The following MYO15A variants were observed in gnomAD, a reference collection of about 807,000 sequenced individuals.
The protein encoded by MYO15A is myosin XVA.
MYO15A carries 308 observed loss-of-function variants against 394.6 expected under a neutral mutation model. The ratio of observed to expected loss-of-function variants is 0.78; its 90% CI spans 0.71 to 0.86. The LOEUF (loss-of-function observed/expected upper bound fraction) is 0.86, where lower values mean the gene tolerates loss of function less well. Among genes scored for constraint, MYO15A ranks in the 40% least tolerant of loss-of-function variants. The probability of loss-of-function intolerance (pLI) is 0.00; values close to 1 mark genes in which losing one functional copy is unlikely to be tolerated. For missense variants in MYO15A, 4,606 were observed against 4,799.1 expected (o/e 0.96, Z 1.19); for synonymous variants, 1,957 against 2,003.8 (o/e 0.98, Z 0.62).
chr17:18,176,519 CTCTTT>C (rs896983628), intron 65 of MYO15A: 3 of 148,456 alleles, frequency 2.0e-5, no homozygotes, highest in Admixed American at 6.7e-5. Context: ...CACATTTCTT[CTCTTT>C]TCTTTTTTTT....
At position 18,120,509 on chromosome 17, in the gene MYO15A, C is replaced by T. The variant is rs1359014041; in HGVS notation, c.1709C>T (p.Thr570Ile). 1 of 1,580,454 alleles carries T rather than the reference C, an allele frequency of 6.3e-7. No individual in the cohort carries two copies. Among genetic ancestry groups the T allele is most frequent in the Non-Finnish European group, 8.6e-7 (1 of 1,166,540 alleles). Residue 570 changes from threonine to isoleucine, a missense_variant, in exon 2 of 66, where the codon ACC (threonine) becomes ATC (isoleucine). This residue lies in a region of MYO15A where 1,830 missense variants were observed against 1,689.7 expected (regional missense o/e 1.08). Transcript: ENST00000647165. ...GGCCGCCCCGTGCCTCGCCCTGCCA[C>T]CTCGCTTGCGCGGTTCCTCAAGAAG... ...EFGRPVPRPA[T>I]SLARFLKKTL...
In MYO15A at chr17:18,168,465, G is replaced by A. The variant is rs529836811; in HGVS notation, c.10082+742G>A. Among the ~76,000 whole-genome samples the A allele has an allele frequency of 7.2e-5, 11 of 152,092 alleles. No individual in the cohort carries two copies. In the South Asian group the frequency reaches 2.3e-3, roughly 32 times the overall value. ...TGTAGTTCCAGCTACTCGGGAGGCT[G>A]AGGCAGGAGAATGACGTGAACCCGG... On this transcript the variant is annotated intron_variant, in intron 62 of 65. Transcript: ENST00000647165.
At chr17:18,160,512 C>T (rs571263171) in intron 56 of MYO15A, among the ~76,000 whole-genome samples, 8 of 152,280 alleles carry the variant, frequency 5.3e-5, no homozygotes, top group African/African-American at 1.9e-4. Flanking sequence ...CAAGACTGAC[C>T]CAATATTTGC....
In MYO15A at chr17:18,163,399, G is replaced by A. The variant is rs2046804597; in HGVS notation, c.9690+78G>A. 1.2e-5 allele frequency: 17 copies of A among 1,416,288 alleles called. No individual in the cohort carries two copies. The South Asian group carries it at 1.8e-4, about 15-fold the overall frequency. The allele number at this position is 1,416,288 out of a possible 1,614,324, so 87.7% of individuals were successfully genotyped here. On this transcript the variant is annotated intron_variant, in intron 59 of 65. Transcript: ENST00000647165. The stretch of plus-strand genomic sequence containing the variant: ...ACAGCCCAGGCTCCAGGATGGGGGT[G>A]GAGTAAGCCCCCAATGATGCTGAGC...
chr17:18,126,946 C>A (rs2046056001), intron 6 of MYO15A, 81 bp downstream of exon 6: 1 of 1,598,192 alleles, frequency 6.3e-7, no homozygotes. Context: ...TGCTGTGGGA[C>A]CTTGGAAGAT....
chr17:18,125,371 A>C, intron 4 of MYO15A, 140 bp downstream of exon 4: 1 of 843,674 alleles, frequency 1.2e-6, no homozygotes, highest in Non-Finnish European at 2.0e-6. Context: ...TAGAACTAAA[A>C]TCTGAAGTCT....
rs747480812 is a variant in MYO15A at position 18,122,197 on chromosome 17, G to A, written c.3397G>A (p.Ala1133Thr). Residue 1133 changes from alanine to threonine, a missense_variant, in exon 2 of 66, where the codon GCA (alanine) becomes ACA (threonine). Ala to Thr is a moderately conservative substitution (Grantham distance 58). Around this residue, in one of 2 missense-constraint regions of MYO15A, gnomAD observed 1,830 missense variants for 1,689.7 expected, o/e 1.08. Coordinates refer to ENST00000647165, the MANE Select transcript of MYO15A (RefSeq NM_016239.4). ...KLSSFQRVGP[A>T]TLKPQVQPIQ... is the part of the protein sequence containing the mutation. Reference sequence around the variant, plus strand: ...GAGCTCTTTCCAGCGAGTTGGGCCTGCAACCCTGAAGCCTCAAGTCCAGCC... The same window carrying A: ...GAGCTCTTTCCAGCGAGTTGGGCCTACAACCCTGAAGCCTCAAGTCCAGCC... 6.2e-6 allele frequency: 10 copies of A among 1,613,142 alleles called. No individual in the cohort carries two copies. The highest frequency in any genetic ancestry group is 8.5e-6 in the Non-Finnish European group (10 of 1,180,016).
intron 1 of MYO15A, among the ~76,000 whole-genome samples, chr17:18,111,799 A>G (rs2925141): frequency 0.92 from 140,014 of 152,312 alleles, 64,369 homozygotes; most frequent in South Asian, 0.95. Context: ...CACTGTGCCC[A>G]GCTCTCCGCT....
In MYO15A at chr17:18,117,286, CAGAG is replaced by C. The variant is rs1274815546; in HGVS notation, c.-219-1293_-219-1290del. Among the ~76,000 whole-genome samples the C allele has an allele frequency of 6.6e-6, 1 of 152,128 alleles. No homozygotes were observed. The highest frequency in any genetic ancestry group is 1.5e-5 in the Non-Finnish European group (1 of 68,032). On this transcript the variant is annotated intron_variant, in intron 1 of 65. Transcript: ENST00000647165. This position sits in a 1 kb window ranked among gnomAD's most constrained non-coding sequence, Gnocchi z 4.1. ...AAAGTGAGCAGGGGGAAGAGGCAGA[CAGAG>C]AGGGGGAGACCTCACTTGCTGCATG...
rs1458262757 is a variant in MYO15A at position 18,149,578 on chromosome 17, G to A, written c.7210G>A (p.Ala2404Thr). 6.2e-7 allele frequency: 1 copy of A among 1,613,952 alleles called. No homozygotes were observed. The highest frequency in any genetic ancestry group is 1.7e-5 in the Admixed American group (1 of 60,030). ...LFDPVLSYGD[A>T]DLEKPTAIAY... The stretch of plus-strand genomic sequence containing the variant: ...TGACCCTGTGCTGTCCTACGGGGAT[G>A]CGGTAGGGATGGTGTGGGGTGGGTC... Residue 2404 changes from alanine (A) to threonine (T), a missense_variant and splice_region_variant, in exon 35 of 66, where the codon GCG becomes ACG. Ala to Thr is a moderately conservative substitution (Grantham distance 58). Transcript: ENST00000647165.
At position 18,132,896 on chromosome 17, in the gene MYO15A, G is replaced by A. The variant is rs1261155604; in HGVS notation, c.4321-329G>A. On this transcript the variant is annotated intron_variant, in intron 11 of 65. Coordinates refer to ENST00000647165, the MANE Select transcript of MYO15A (RefSeq NM_016239.4). This position sits in a 1 kb window ranked among gnomAD's most constrained non-coding sequence, Gnocchi z 4.6. ...CAACATAGTACCACTTTGCAGGGAT[G>A]TAGTGAGGCTTAGATGAGGAAACGC... 1.3e-5 allele frequency among the ~76,000 whole-genome samples: 2 copies of A among 152,236 alleles called. No individual in the cohort carries two copies. The highest frequency in any genetic ancestry group is 3.8e-4 in the East Asian group (2 of 5,204).
chr17:18,158,229 C>A (rs1339496329), intron 51 of MYO15A: 3 of 586,264 alleles, frequency 5.1e-6, no homozygotes, highest in Non-Finnish European at 9.1e-6. Context: ...GGTGAGTGGG[C>A]GGCTTGTGGA....
At position 18,173,773 on chromosome 17, in the gene MYO15A, A is replaced by G. The variant is rs1441245768; in HGVS notation, c.10351-8A>G. ...AGGCCTGTCCGGCCCCTCTCCTCCT[A>G]CTCCCAGGAATTGATGGTGAAGTTC... On this transcript the variant is annotated splice_polypyrimidine_tract_variant and splice_region_variant and intron_variant, in intron 64 of 65. Coordinates refer to ENST00000647165, the MANE Select transcript of MYO15A (RefSeq NM_016239.4). 1 of 1,613,620 alleles carries G rather than the reference A, an allele frequency of 6.2e-7. No individual in the cohort carries two copies. The highest frequency in any genetic ancestry group is 1.7e-5 in the Admixed American group (1 of 60,008).
chr17:18,171,587 C>T, intron 62 of MYO15A, 51 bp from the exon 63 acceptor site: 1 of 1,613,186 alleles, frequency 6.2e-7, no homozygotes. Flanking sequence ...GTGAGGATTG[C>T]CTGAGCCTGG....
Position 18,113,835 on chromosome 17 carries a change from C to CACACACAA in MYO15A, c.-219-4741_-219-4740insAAACACAC, listed in dbSNP as rs1340766492. Among the ~76,000 whole-genome samples, 142 of 133,850 alleles carry CACACACAA rather than the reference C, an allele frequency of 1.1e-3. 1 individual carries two copies. Among genetic ancestry groups the CACACACAA allele is most frequent in the African/African-American group, 3.1e-3 (118 of 38,410 alleles). The allele number at this position is 133,850 out of a possible 152,430, so 87.8% of individuals were successfully genotyped here. Reference sequence around the variant, plus strand: ...ACACACACACACACACACACACACACACACACTCTTCCTACAGAAAGGCCT... The same window carrying CACACACAA: ...ACACACACACACACACACACACACACACACACAAACACACTCTTCCTACAGAAAGGCCT... On this transcript the variant is annotated intron_variant, in intron 1 of 65. Coordinates refer to ENST00000647165, the MANE Select transcript of MYO15A (RefSeq NM_016239.4).
intron 60 of MYO15A, 131 bp downstream of exon 60, chr17:18,163,969 T>A: frequency 2.3e-6 from 2 of 863,554 alleles, no homozygotes; most frequent in Non-Finnish European, 3.8e-6. Context: ...TTGACCCCCA[T>A]GTGGAAGGAT....
chr17:18,160,756 C>T (rs1419173948), intron 56 of MYO15A: 1 of 215,876 alleles, frequency 4.6e-6, no homozygotes, highest in African/African-American at 2.3e-5. Flanking sequence ...ACAAATGAAA[C>T]CCTCACACCC....
rs75611660 is a variant in MYO15A, at chr17:18,157,162, G to A, written c.8720G>A (p.Ser2907Asn). 1 of 1,611,000 alleles carries A rather than the reference G, an allele frequency of 6.2e-7. No individual in the cohort carries two copies. The highest frequency in any genetic ancestry group is 8.5e-7 in the Non-Finnish European group (1 of 1,178,630). ...QPLEPPRVGY[S>N]AGCVVRRKVV... ...ACCCGAGCCTGGCCCATAGGCTACAGTGCTGGCTGCGTGGTTCGCAGGAAG... is the reference window on the plus strand; with the variant it reads ...ACCCGAGCCTGGCCCATAGGCTACAATGCTGGCTGCGTGGTTCGCAGGAAG... Residue 2907 changes from serine to asparagine, a missense_variant, in exon 50 of 66, where the codon AGT (serine) becomes AAT (asparagine). Transcript: ENST00000647165.
rs2045866279 is a variant in MYO15A, at chr17:18,119,605, C to A, written c.805C>A (p.Pro269Thr). ...PYLAGLGPYS[P>T]AWPPYGDHYY... ...CCTGGCGGGCCTCGGCCCCTACAGC[C>A]CGGCCTGGCCACCCTACGGCGACCA... Residue 269 changes from proline (P) to threonine (T), a missense_variant, in exon 2 of 66, where the codon CCG (proline) becomes ACG (threonine). Coordinates refer to ENST00000647165, the MANE Select transcript of MYO15A (RefSeq NM_016239.4). The A allele has an allele frequency of 6.2e-7, 1 of 1,603,914 alleles. No individual in the cohort carries two copies.
Sources: gnomAD v4.1 joint callset for allele counts (sites outside exome capture counted in the v4.1 genomes callset) on GRCh38, gnomAD v4.1.1 for gene constraint, gnomAD v4.1.1 regional missense constraint, Gnocchi (gnomAD v3.1) non-coding constraint, MANE v1.5 for transcripts, NCBI Gene and HGNC (gene_info 2026-07-23, HGNC 2026-07-21) for gene names.